The following CTNNA3 variants were observed in gnomAD, a reference collection of about 807,000 sequenced individuals.
CTNNA3 encodes catenin alpha-3.
Under a neutral mutation model 95.7 loss-of-function variants are expected in CTNNA3, and 76 were observed. That is an observed-to-expected ratio of 0.79 (90% confidence interval 0.66 to 0.96). The LOEUF (loss-of-function observed/expected upper bound fraction) is 0.96, where lower values mean the gene tolerates loss of function less well. CTNNA3 is among the 40% of genes least tolerant of loss of function. CTNNA3 has a pLI of 0.00. For synonymous variants in CTNNA3, 431 were observed against 374.4 expected (o/e 1.15, Z -1.74); for missense variants, 1,191 against 1,089.8 (o/e 1.09, Z -1.31).
At chr10:66,777,045 G>A (rs1369508670) in intron 7 of CTNNA3, among the ~76,000 whole-genome samples, 1 of 152,240 alleles carries the variant, frequency 6.6e-6, no homozygotes, top group African/African-American at 2.4e-5. Flanking sequence ...TTAGCATTTA[G>A]CTCTCAAGGC....
intron 7 of CTNNA3, among the ~76,000 whole-genome samples, chr10:66,798,944 G>T (rs1296703921): frequency 6.6e-6 from 1 of 151,628 alleles, no homozygotes; most frequent in East Asian, 1.9e-4. Flanking sequence ...AGTAAAGAGA[G>T]TATAATTCAA....
intron 7 of CTNNA3, among the ~76,000 whole-genome samples, chr10:66,864,829 T>C (rs938612343): frequency 1.3e-5 from 2 of 152,068 alleles, no homozygotes; most frequent in Non-Finnish European, 2.9e-5. Context: ...CCAATATACA[T>C]AGAAAACCTA....
At chr10:67,073,368 C>T (rs192768548) in intron 7 of CTNNA3, among the ~76,000 whole-genome samples, 39 of 152,158 alleles carry the variant, frequency 2.6e-4, no homozygotes, top group African/African-American at 9.4e-4. Context: ...AACCATATTG[C>T]TTTTTTTCAT....
intron 9 of CTNNA3, among the ~76,000 whole-genome samples, chr10:66,676,108 A>AACACAC (rs58800149): frequency 5.3e-5 from 8 of 150,372 alleles, no homozygotes; most frequent in African/African-American, 1.7e-4. Context: ...AAACCTTTAA[A>AACACAC]ACACACACAC....
In CTNNA3 at chr10:67,654,635, G is replaced by A. The variant is rs565489922; in HGVS notation, c.-5-7117C>T. Among the ~76,000 whole-genome samples the A allele has an allele frequency of 1.2e-3, 187 of 152,006 alleles. 1 individual carries two copies. Among genetic ancestry groups the A allele is most frequent in the African/African-American group, 4.3e-3 (177 of 41,456 alleles). ...CTCAAGTAGCTGGGACCACAGGCGC[G>A]CACCACCACACCTGGCTGTTATTCC... On this transcript the variant is annotated intron_variant, in intron 1 of 17. Transcript: ENST00000433211.
intron 15 of CTNNA3, among the ~76,000 whole-genome samples, chr10:66,067,254 C>T (rs2080332222): frequency 6.6e-6 from 1 of 152,146 alleles, no homozygotes; most frequent in East Asian, 1.9e-4. Context: ...AATAATTTTC[C>T]TACCTACCTT....
At chr10:67,358,041 T>A (rs536494784) in intron 5 of CTNNA3, among the ~76,000 whole-genome samples, 1 of 152,066 alleles carries the variant, frequency 6.6e-6, no homozygotes, top group African/African-American at 2.4e-5. Context: ...GAGAAAAGGA[T>A]AATATTTTCA....
intron 7 of CTNNA3, among the ~76,000 whole-genome samples, chr10:66,943,970 C>G (rs969406166): frequency 2.0e-5 from 3 of 152,114 alleles, no homozygotes; most frequent in Non-Finnish European, 2.9e-5. Context: ...AGGGTCTTTC[C>G]TTGATGTTGA....
intron 5 of CTNNA3, among the ~76,000 whole-genome samples, chr10:67,446,880 T>C (rs1589298864): frequency 6.6e-6 from 1 of 151,648 alleles, no homozygotes; most frequent in Non-Finnish European, 1.5e-5. Context: ...CCAAGGAGGG[T>C]GGATGATGAG....
chr10:66,513,981 TGTG>T (rs142968586), intron 11 of CTNNA3, among the ~76,000 whole-genome samples: 23,149 of 152,038 alleles, frequency 0.15, 1,846 homozygotes, highest in Non-Finnish European at 0.17. Flanking sequence ...GCACCTGTGA[TGTG>T]GAGATGCAGC....
At chr10:65,976,495 T>C (rs1444944919) in intron 16 of CTNNA3, among the ~76,000 whole-genome samples, 1 of 152,174 alleles carries the variant, frequency 6.6e-6, no homozygotes, top group Non-Finnish European at 1.5e-5. Context: ...GTGAAAATGA[T>C]CTTTTGAAAT....
At chr10:66,930,811 A>G (rs1847341129) in intron 7 of CTNNA3, among the ~76,000 whole-genome samples, 1 of 152,176 alleles carries the variant, frequency 6.6e-6, no homozygotes, top group African/African-American at 2.4e-5. Flanking sequence ...ATAATAATAG[A>G]TAAGAACGAA....
At chr10:65,982,987 C>T (rs1170420150) in intron 16 of CTNNA3, among the ~76,000 whole-genome samples, 1 of 151,344 alleles carries the variant, frequency 6.6e-6, no homozygotes, top group African/African-American at 2.4e-5. Context: ...AGGCCAGCCT[C>T]CAAGAATATT....
chr10:67,023,526 A>G (rs1387941049), intron 7 of CTNNA3, among the ~76,000 whole-genome samples: 1 of 152,188 alleles, frequency 6.6e-6, no homozygotes, highest in Non-Finnish European at 1.5e-5. Flanking sequence ...TAAGGGATCT[A>G]TGATAATACA....
intron 15 of CTNNA3, among the ~76,000 whole-genome samples, chr10:66,015,762 G>C (rs914335128): frequency 1.3e-5 from 2 of 152,072 alleles, no homozygotes; most frequent in Non-Finnish European, 2.9e-5. Context: ...CTTTTATGGA[G>C]AAGCACATTC....
At chr10:66,546,034 G>A (rs542686348) in intron 10 of CTNNA3, among the ~76,000 whole-genome samples, 3 of 151,494 alleles carry the variant, frequency 2.0e-5, no homozygotes, top group South Asian at 4.2e-4. Flanking sequence ...ATTTTTCCAT[G>A]TGAAGGCTTA....
At chr10:67,375,092 T>C (rs781239968) in intron 5 of CTNNA3, among the ~76,000 whole-genome samples, 1 of 152,204 alleles carries the variant, frequency 6.6e-6, no homozygotes, top group Non-Finnish European at 1.5e-5. Context: ...TAAATTATTT[T>C]AGTGTATGCT....
At chr10:67,374,745 A>T (rs1843626346) in intron 5 of CTNNA3, among the ~76,000 whole-genome samples, 1 of 152,188 alleles carries the variant, frequency 6.6e-6, no homozygotes, top group Non-Finnish European at 1.5e-5. Context: ...CTATATGGTT[A>T]GCTAAGGGAA....
At chr10:67,224,736 G>T (rs1864815164) in intron 5 of CTNNA3, among the ~76,000 whole-genome samples, 1 of 152,296 alleles carries the variant, frequency 6.6e-6, no homozygotes, top group African/African-American at 2.4e-5. Context: ...CCCCAGTCAG[G>T]CCATTCCTGC....
Sources: allele counts gnomAD v4.1 joint callset (sites outside exome capture counted in the v4.1 genomes callset), GRCh38; gene constraint gnomAD v4.1.1; transcripts MANE v1.5; gene names NCBI Gene and HGNC (gene_info 2026-07-23, HGNC 2026-07-21).